Variants in CACNA1C observed in about 807,000 individuals in gnomAD.
CACNA1C encodes voltage-dependent L-type calcium channel subunit alpha-1C.
CACNA1C carries 30 observed loss-of-function variants against 229.0 expected under a neutral mutation model. The ratio of observed to expected loss-of-function variants is 0.13; its 90% confidence interval spans 0.10 to 0.18. The LOEUF (loss-of-function observed/expected upper bound fraction) is 0.18, where lower values mean the gene tolerates loss of function less well. Ranked by LOEUF, CACNA1C falls within the 10% of genes least tolerant of loss-of-function variation. The pLI is 1.00. For synonymous variants in CACNA1C, 1,114 were observed against 1,132.5 expected (o/e 0.98, Z 0.33); for missense variants, 1,658 against 2,845.0 (o/e 0.58, Z 9.49).
At chr12:2,505,493 A>C (rs535609452) in intron 8 of CACNA1C, among the ~76,000 whole-genome samples, 2 of 152,280 alleles carry the variant, frequency 1.3e-5, no homozygotes, top group Middle Eastern at 3.4e-3. Context: ...GCCCTTGCTC[A>C]GATGAAGTTA....
Position 2,141,734 on chromosome 12 carries a change from G to A in CACNA1C, c.477+21304G>A, listed in dbSNP as rs540127652. Among the ~76,000 whole-genome samples, 293 of 151,508 alleles carry A rather than the reference G, an allele frequency of 1.9e-3. 6 individuals are homozygous for A. Among genetic ancestry groups the A allele is most frequent in the African/African-American group, 6.6e-3 (275 of 41,468 alleles). On this transcript the variant is annotated intron_variant, in intron 3 of 46. Transcript: ENST00000399655. ...TGGCCCTGGGTAGACTTTGGCCTCA[G>A]GGGAAAGGAGCGTGGAGACAGCTGT... is the stretch of plus-strand genomic sequence containing the variant.
chr12:2,256,088 C>CACTATCCTG (rs1439717910), intron 3 of CACNA1C, among the ~76,000 whole-genome samples: 3 of 152,190 alleles, frequency 2.0e-5, no homozygotes, highest in African/African-American at 7.2e-5. Context: ...TTTACAATCA[C>CACTATCCTG]ACCTCCTGTT....
At chr12:2,659,318 C>T (rs936474288) in intron 34 of CACNA1C, among the ~76,000 whole-genome samples, 2 of 152,220 alleles carry the variant, frequency 1.3e-5, no homozygotes, top group African/African-American at 4.8e-5. Flanking sequence ...TACACAAATA[C>T]TTACCATTGT....
chr12:2,278,690 C>T (rs2089916968), intron 3 of CACNA1C, among the ~76,000 whole-genome samples: 1 of 152,186 alleles, frequency 6.6e-6, no homozygotes, highest in African/African-American at 2.4e-5. Context: ...CAGCTATGAA[C>T]ATTTGTGTAT....
At chr12:2,437,274 C>G (rs1011319768) in intron 3 of CACNA1C, among the ~76,000 whole-genome samples, 1 of 151,840 alleles carries the variant, frequency 6.6e-6, no homozygotes, top group African/African-American at 2.4e-5. Flanking sequence ...GAGGCCTGTG[C>G]AGCAGCCAGC....
chr12:2,528,701 C>A (rs1165495879), intron 9 of CACNA1C, among the ~76,000 whole-genome samples: 2 of 152,164 alleles, frequency 1.3e-5, no homozygotes, highest in Non-Finnish European at 2.9e-5. Context: ...TCCACTTCCC[C>A]AAAGATGGGG....
intron 29 of CACNA1C, among the ~76,000 whole-genome samples, chr12:2,620,061 A>G (rs1029020589): frequency 2.6e-5 from 4 of 152,204 alleles, no homozygotes; most frequent in African/African-American, 9.7e-5. Flanking sequence ...AGCAAACAAC[A>G]TATATTGTCA....
At chr12:2,232,228 T>A (rs963643733) in intron 3 of CACNA1C, among the ~76,000 whole-genome samples, 1 of 67,296 alleles carries the variant, frequency 1.5e-5, no homozygotes, top group Non-Finnish European at 2.6e-5. Flanking sequence ...TCTTTCCTTG[T>A]TTTTTTTTTT....
At chr12:2,255,404 C>G (rs2077056168) in intron 3 of CACNA1C, among the ~76,000 whole-genome samples, 1 of 152,134 alleles carries the variant, frequency 6.6e-6, no homozygotes, top group Non-Finnish European at 1.5e-5. Flanking sequence ...CTCCTAGATC[C>G]AGGTCCATTT....
intron 3 of CACNA1C, among the ~76,000 whole-genome samples, chr12:2,190,644 A>G (rs1343923598): frequency 6.6e-6 from 1 of 152,146 alleles, no homozygotes; most frequent in Non-Finnish European, 1.5e-5. Context: ...TTTGTGGAAA[A>G]TGGAAATACA....
chr12:2,365,133 G>A (rs957405115), intron 3 of CACNA1C, among the ~76,000 whole-genome samples: 1 of 152,212 alleles, frequency 6.6e-6, no homozygotes, highest in Non-Finnish European at 1.5e-5. Context: ...TAAAGCTTCT[G>A]ACAGTGATCT....
intron 3 of CACNA1C, among the ~76,000 whole-genome samples, chr12:2,220,020 C>T (rs144967853): frequency 2.4e-4 from 37 of 152,196 alleles, no homozygotes; most frequent in African/African-American, 8.7e-4. Context: ...TCCTCCTCCT[C>T]AGATGCTGAG....
At chr12:2,004,484 G>C in intron 1 of CACNA1C, 1 of 1,545,842 alleles carries the variant, frequency 6.5e-7, no homozygotes, top group Non-Finnish European at 8.7e-7. Context: ...ACTCTCAATA[G>C]ATCGCAGAAC....
chr12:2,663,992 G>A (rs1271290748), intron 34 of CACNA1C, among the ~76,000 whole-genome samples: 2 of 150,472 alleles, frequency 1.3e-5, no homozygotes, highest in East Asian at 2.0e-4. Context: ...CGCCCACCTC[G>A]GCCTCCCAAA....
At chr12:2,501,175 C>T (rs1272150370) in intron 7 of CACNA1C, among the ~76,000 whole-genome samples, 1 of 139,174 alleles carries the variant, frequency 7.2e-6, no homozygotes, top group African/African-American at 2.8e-5. Flanking sequence ...CGCCACTGCA[C>T]CTCCAGCCTG....
At chr12:2,046,386 G>T (rs1258602671) in intron 1 of CACNA1C, among the ~76,000 whole-genome samples, 1 of 152,030 alleles carries the variant, frequency 6.6e-6, no homozygotes, top group Non-Finnish European at 1.5e-5. Flanking sequence ...CGCTTCCCTT[G>T]GTATCAACTT....
intron 1 of CACNA1C, chr12:2,004,846 G>A (rs894620900): frequency 5.8e-6 from 1 of 171,714 alleles, no homozygotes; most frequent in African/African-American, 2.4e-5. Flanking sequence ...GAACTCTGAA[G>A]AGAAAGAGAA....
In CACNA1C at chr12:2,053,039, C is replaced by G; in HGVS notation, c.-524C>G. On this transcript the variant is annotated 5_prime_UTR_variant, in exon 1 of 47. Coordinates refer to ENST00000399655, the MANE Select transcript of CACNA1C (RefSeq NM_000719.7). The surrounding 1 kb of genome is among the most constrained non-coding windows in gnomAD (Gnocchi z 5.8). The stretch of plus-strand genomic sequence containing the variant: ...CAGCTCCTGCCAGAGCGGCGCTCGG[C>G]GCGGCGCGGCGGGCCCGGAGCGGCG... 1.0e-6 allele frequency: 1 copy of G among 984,416 alleles called. No homozygotes were observed. Among genetic ancestry groups the G allele is most frequent in the Non-Finnish European group, 1.2e-6 (1 of 829,536 alleles). 61.0% of individuals were successfully genotyped at this position (984,416 alleles called of 1,614,324 possible).
rs940530555 is a variant in CACNA1C, at chr12:2,691,350, G to C, written c.*151G>C. 7 of 849,474 alleles carry C rather than the reference G, an allele frequency of 8.2e-6. No individual in the cohort carries two copies. The African/African-American group carries it at 8.8e-5, about 11-fold the overall frequency. The allele number at this position is 849,474 out of a possible 1,614,324, so 52.6% of individuals were successfully genotyped here. A position where few individuals can be genotyped will look rare whatever the true frequency, so the allele number is the denominator to read the frequency against. ...GGGACCAGACGCGGAGCCTGGGTGC[G>C]CGAGCCGCCCTCCGGGAGGAAGGCG... On this transcript the variant is annotated 3_prime_UTR_variant, in exon 47 of 47. Transcript: ENST00000399655.
Sources: gnomAD v4.1 joint callset for allele counts (sites outside exome capture counted in the v4.1 genomes callset) on GRCh38, gnomAD v4.1.1 for gene constraint, Gnocchi (gnomAD v3.1) non-coding constraint, MANE v1.5 for transcripts, NCBI Gene and HGNC (gene_info 2026-07-23, HGNC 2026-07-21) for gene names.